FCRL5: variants seen among roughly 807,000 people sequenced by gnomAD.
FCRL5 encodes Fc receptor-like protein 5.
Under a neutral mutation model 92.1 loss-of-function variants are expected in FCRL5, and 79 were observed. The ratio of observed to expected loss-of-function variants is 0.86; its 90% CI spans 0.72 to 1.03. FCRL5 has a LOEUF of 1.03. FCRL5 is among the 50% of genes least tolerant of loss of function. The pLI is 0.00. For synonymous variants in FCRL5, 466 were observed against 469.3 expected (o/e 0.99, Z 0.09); for missense variants, 1,160 against 1,181.1 (o/e 0.98, Z 0.26).
intron 5 of FCRL5, 124 bp from the exon 6 acceptor site, chr1:157,543,261 A>G (rs904240795): frequency 3.4e-6 from 3 of 876,072 alleles, no homozygotes; most frequent in Admixed American, 5.4e-5. Flanking sequence ...AGAACCACAC[A>G]CCCTTACCTG....
chr1:157,531,850 G>A (rs1443213236), intron 8 of FCRL5: 1 of 152,130 alleles, frequency 6.6e-6, no homozygotes, highest in Non-Finnish European at 1.5e-5. Context: ...GGAGGATAGG[G>A]AGAAGTTGGT....
intron 7 of FCRL5, 133 bp downstream of exon 7, chr1:157,538,953 G>C (rs1651108804): frequency 1.0e-6 from 1 of 994,842 alleles, no homozygotes; most frequent in Middle Eastern, 3.3e-4. Flanking sequence ...GTGAGCTAGA[G>C]AGTGGAGGAG....
intron 11 of FCRL5, 91 bp downstream of exon 11, chr1:157,520,926 T>C: frequency 1.4e-6 from 2 of 1,416,916 alleles, no homozygotes; most frequent in East Asian, 2.3e-5. Flanking sequence ...CCCTGAGGAG[T>C]GCCTTTCTGA....
intron 9 of FCRL5, among the ~76,000 whole-genome samples, 157 bp downstream of exon 9, chr1:157,527,460 A>G (rs997040851): frequency 2.0e-5 from 3 of 152,250 alleles, no homozygotes; most frequent in Admixed American, 1.3e-4. Context: ...CTGAACGTGT[A>G]GGATACAAAA....
rs1649878321 is a variant in FCRL5 at position 157,515,522 on chromosome 1, C to T, written c.*153G>A. The T allele has an allele frequency of 6.5e-7, 1 of 1,535,110 alleles. No individual in the cohort carries two copies. Among genetic ancestry groups the T allele is most frequent in the Non-Finnish European group, 8.9e-7 (1 of 1,121,826 alleles). On this transcript the variant is annotated 3_prime_UTR_variant, in exon 17 of 17. Coordinates refer to ENST00000361835, the MANE Select transcript of FCRL5 (RefSeq NM_031281.3). ...CAGGTGACAGTCCAGCAGGGCCCTGCATTCTGGTCAGACTGAGAATGAGGA... is the reference window on the plus strand; with the variant it reads ...CAGGTGACAGTCCAGCAGGGCCCTGTATTCTGGTCAGACTGAGAATGAGGA...
Position 157,534,610 on chromosome 1 carries a change from T to G in FCRL5, c.1681+4A>C. 1 of 1,614,158 alleles carries G rather than the reference T, an allele frequency of 6.2e-7. No homozygotes were observed. On this transcript the variant is annotated splice_donor_region_variant and intron_variant, in intron 8 of 16. Coordinates refer to ENST00000361835, the MANE Select transcript of FCRL5 (RefSeq NM_031281.3). ...TGGGTGACTGGCAAGAACCCAGCAC[T>G]TACCAGTGACAAAAAGGCTCACCAC...
At chr1:157,517,144 C>G (rs936961496) in intron 15 of FCRL5, among the ~76,000 whole-genome samples, 1 of 152,164 alleles carries the variant, frequency 6.6e-6, no homozygotes, top group African/African-American at 2.4e-5. Context: ...AGTAAGGAGG[C>G]AGCCGGGCTG....
rs34868810 is a variant in FCRL5 at position 157,539,118 on chromosome 1, T to C, written c.1370A>G (p.Gln457Arg). Residue 457 changes from glutamine to arginine, a missense_variant, in exon 7 of 17, where the codon CAG becomes CGG. Physicochemically the swap from Gln to Arg is conservative, Grantham distance 43 (BLOSUM62 1). Transcript: ENST00000361835. ...GGAGAGGCTCACCGCCTTACTGCGC[T>C]GGGGGCCAAAGCCATTGTCAGCTGT... ...YCTADNGFGP[Q>R]RSKAVSLSVT... 5.0e-3 allele frequency: 8,138 copies of C among 1,613,978 alleles called. 335 individuals carry two copies. In the African/African-American group the frequency reaches 0.094, roughly 19 times the overall value.
intron 4 of FCRL5, 24 bp downstream of exon 4, chr1:157,544,807 T>C (rs1651451071): frequency 1.2e-6 from 2 of 1,613,350 alleles, no homozygotes; most frequent in Non-Finnish European, 1.7e-6. Context: ...ACCAACTCAC[T>C]TCACAAAATA....
chr1:157,527,709 G>C lies in FCRL5; in HGVS notation c.1868C>G (p.Ser623Cys), dbSNP rs773851341. 6.2e-7 allele frequency: 1 copy of C among 1,614,190 alleles called. No homozygotes were observed. The highest frequency in any genetic ancestry group is 8.5e-7 in the Non-Finnish European group (1 of 1,180,002). The change falls in exon 9 of 17, where the codon TCT becomes TGT. Residue 623 changes from serine to cysteine, a missense_variant. Transcript: ENST00000361835. ...PSGGEASFNL[S>C]LTAEHSGNYS... ...GTTTCCAGAATGTTCTGCAGTCAGA[G>C]AGAGGTTGAAAGAAGCTTCTCCTCC...
rs200479209 is a variant in FCRL5 at position 157,544,251 on chromosome 1, C to T, written c.844+11G>A. 5.1e-5 allele frequency: 82 copies of T among 1,611,966 alleles called. No homozygotes were observed. The highest frequency in any genetic ancestry group is 6.8e-5 in the Non-Finnish European group (80 of 1,178,192). On this transcript the variant is annotated intron_variant, in intron 5 of 16. Coordinates refer to ENST00000361835, the MANE Select transcript of FCRL5 (RefSeq NM_031281.3). The stretch of plus-strand genomic sequence containing the variant: ...TCTCTGCAGCAAATCTCAGGTTCCA[C>T]CAACACTTACTCTGCACCTGTATCC...
rs1465879381 is a variant in FCRL5, at chr1:157,534,886, A to C, written c.1409T>G (p.Val470Gly). The C allele has an allele frequency of 6.5e-7, 1 of 1,527,510 alleles. No homozygotes were observed. Among genetic ancestry groups the C allele is most frequent in the Non-Finnish European group, 8.8e-7 (1 of 1,140,450 alleles). 94.6% of individuals were successfully genotyped at this position (1,527,510 alleles called of 1,614,324 possible). ...KAVSLSVTVPVSHPVLTLSSA... is the reference protein window; with the variant it reads ...KAVSLSVTVPGSHPVLTLSSA... ...GCTGAGGGTGAGGACAGGATGAGAC[A>C]CAGGGACTGAGGAAGAGAAAGATTG... Residue 470 changes from valine (V) to glycine (G), a missense_variant, in exon 8 of 17, where the codon GTG becomes GGG. Physicochemically the swap from Val to Gly is moderately radical, Grantham distance 109. Transcript: ENST00000361835.
chr1:157,523,953 G>C (rs1194057667), intron 10 of FCRL5: 3 of 408,462 alleles, frequency 7.3e-6, no homozygotes, highest in Non-Finnish European at 1.3e-5. Flanking sequence ...TTCTACGGCA[G>C]AGAAACATAT....
Position 157,549,570 on chromosome 1 carries a change from A to ATTTT in FCRL5, c.41_42insAAAA (p.Ser14ArgfsTer64). ...GACAGGAGAACTCACCAAACTGTCC[A>ATTTT]CTGACAGGAGCTGCAAAAAAATAAG... On this transcript the variant is annotated frameshift_variant, in exon 2 of 17. Transcript: ENST00000361835. LOFTEE classifies it high-confidence loss of function. 1.2e-6 allele frequency: 2 copies of ATTTT among 1,612,448 alleles called. No homozygotes were observed.
At chr1:157,544,188 C>T in intron 5 of FCRL5, 74 bp downstream of exon 5, 1 of 1,514,328 alleles carries the variant, frequency 6.6e-7, no homozygotes, top group East Asian at 2.3e-5. Flanking sequence ...GACTGGTGAC[C>T]CACGCTGATA....
In FCRL5 at chr1:157,534,846, C is replaced by A. The variant is rs374820333; in HGVS notation, c.1449G>T (p.Leu483=). 7.0e-6 allele frequency: 11 copies of A among 1,582,466 alleles called. No homozygotes were observed. In the African/African-American group the frequency reaches 1.1e-4, roughly 16 times the overall value. The stretch of plus-strand genomic sequence containing the variant: ...GTGTCACAGTGGCTCCTTCAAAAGT[C>A]AGGGCCTCAGCAGAGCTGAGGGTGA... ...PVLTLSSAEA[L]TFEGATVTLH... The change falls in exon 8 of 17, where the codon CTG becomes CTT. Residue 483 remains leucine (L), a synonymous_variant. Coordinates refer to ENST00000361835, the MANE Select transcript of FCRL5 (RefSeq NM_031281.3).
Position 157,518,422 on chromosome 1 carries a change from G to A in FCRL5, c.2812+7C>T, listed in dbSNP as rs1650026157. 1.9e-6 allele frequency: 3 copies of A among 1,611,412 alleles called. No individual in the cohort carries two copies. Among genetic ancestry groups the A allele is most frequent in the Non-Finnish European group, 2.5e-6 (3 of 1,177,480 alleles). ...TGGGCCAGAACAGAGACATCCTTGG[G>A]TCTTACCTGCATGTTTCTTTTTCTC... is the stretch of plus-strand genomic sequence containing the variant. On this transcript the variant is annotated splice_region_variant and intron_variant, in intron 15 of 16. Transcript: ENST00000361835.
chr1:157,527,994 C>T, intron 8 of FCRL5, 99 bp from the exon 9 acceptor site: 1 of 1,330,194 alleles, frequency 7.5e-7, no homozygotes, highest in South Asian at 1.9e-5. Context: ...AAATAAAGGA[C>T]ATCCAAATTG....
rs771447766 is a variant in FCRL5, at chr1:157,534,607, C to G, written c.1681+7G>C. 1.2e-6 allele frequency: 2 copies of G among 1,614,122 alleles called. No homozygotes were observed. The highest frequency in any genetic ancestry group is 4.5e-5 in the East Asian group (2 of 44,878). On this transcript the variant is annotated splice_region_variant and intron_variant, in intron 8 of 16. Transcript: ENST00000361835. ...GGGTGGGTGACTGGCAAGAACCCAG[C>G]ACTTACCAGTGACAAAAAGGCTCAC...
Sources: allele counts gnomAD v4.1 joint callset (sites outside exome capture counted in the v4.1 genomes callset), GRCh38; gene constraint gnomAD v4.1.1; transcripts MANE v1.5; gene names NCBI Gene and HGNC (gene_info 2026-07-23, HGNC 2026-07-21).